LRRC49: variants seen among roughly 807,000 people sequenced by gnomAD.
LRRC49 encodes leucine-rich repeat-containing protein 49.
In LRRC49, 50 loss-of-function variants were observed where a neutral mutation model predicts 83.3. The observed-to-expected ratio is 0.60, with a 90% CI of 0.48 to 0.76. The LOEUF is 0.76. Ranked by LOEUF, LRRC49 falls within the 30% of genes least tolerant of loss-of-function variation. The pLI is 0.00. For synonymous variants in LRRC49, 286 were observed against 283.3 expected, an observed-to-expected ratio of 1.01 and a Z score of -0.10; for missense variants, 704 against 809.1, an observed-to-expected ratio of 0.87 and a Z score of 1.58.
chr15:71,015,822 T>C (rs1231639448), intron 14 of LRRC49, among the ~76,000 whole-genome samples: 1 of 152,220 alleles, frequency 6.6e-6, no homozygotes, highest in Non-Finnish European at 1.5e-5. Context: ...TTTCTTTACA[T>C]GAGCACAAAT....
intron 15 of LRRC49, among the ~76,000 whole-genome samples, chr15:71,039,348 A>C (rs1354589368): frequency 6.6e-6 from 1 of 152,188 alleles, no homozygotes; most frequent in African/African-American, 2.4e-5. Context: ...ATGAAAGCCA[A>C]GGTGGCAGGA....
intron 11 of LRRC49, among the ~76,000 whole-genome samples, chr15:71,006,344 GA>G (rs2038456789): frequency 6.6e-6 from 1 of 152,116 alleles, no homozygotes; most frequent in Non-Finnish European, 1.5e-5. Context: ...TTAAATATAT[GA>G]TGTGGAGCAA....
chr15:70,892,659 G>C, upstream of LRRC49: 2 of 1,447,404 alleles, frequency 1.4e-6, no homozygotes, highest in Non-Finnish European at 1.8e-6. Flanking sequence ...GTTTTTATGA[G>C]GCTGGGAAAA....
rs200144297 is a variant in LRRC49, at chr15:70,895,878, G to A, written c.135G>A (p.Ser45=). ...KVEFKLNKDT[S]SFPGRLLQHD... ...AATTCAAGCTAAATAAAGACACATC[G>A]TCATTCCCCGGTAGACTTTTACAAC... Residue 45 remains serine (S), a synonymous_variant, in exon 3 of 16, where the codon TCG becomes TCA. Coordinates refer to ENST00000260382, the MANE Select transcript of LRRC49 (RefSeq NM_017691.5). The A allele has an allele frequency of 9.9e-6, 16 of 1,610,398 alleles. No homozygotes were observed. The East Asian group carries it at 2.9e-4, about 29-fold the overall frequency.
At chr15:71,024,698 C>A (rs1056382276) in intron 14 of LRRC49, among the ~76,000 whole-genome samples, 68 of 151,952 alleles carry the variant, frequency 4.5e-4, no homozygotes, top group African/African-American at 1.6e-3. Flanking sequence ...AGCTAGAATG[C>A]CTCTCCTCCT....
intron 2 of LRRC49, among the ~76,000 whole-genome samples, chr15:70,875,199 C>A (rs2033127236): frequency 6.6e-6 from 1 of 152,180 alleles, no homozygotes; most frequent in Non-Finnish European, 1.5e-5. Context: ...TTCGGCTGCC[C>A]AGCAGTTCTT....
chr15:70,896,027 C>A, intron 3 of LRRC49, 91 bp downstream of exon 3: 2 of 751,070 alleles, frequency 2.7e-6, no homozygotes, highest in South Asian at 2.2e-5. Context: ...TCCAAATAAA[C>A]TTGAATTTAA....
chr15:70,941,597 A>G (rs906826569), intron 8 of LRRC49, among the ~76,000 whole-genome samples: 1 of 152,072 alleles, frequency 6.6e-6, no homozygotes, highest in Non-Finnish European at 1.5e-5. Context: ...TTCCTTTTGC[A>G]TTACCTTTGA....
intron 1 of LRRC49, chr15:70,859,521 T>C (rs762540237): frequency 5.3e-5 from 36 of 679,868 alleles, no homozygotes; most frequent in Non-Finnish European, 6.9e-5. Context: ...TAGGAGGAGA[T>C]TGCCAACCGC....
At chr15:71,046,705 T>G (rs574488031) in intron 15 of LRRC49, among the ~76,000 whole-genome samples, 2 of 152,370 alleles carry the variant, frequency 1.3e-5, no homozygotes, top group South Asian at 4.1e-4. Flanking sequence ...TTAGTTTAAT[T>G]AAGTCCCATT....
intron 8 of LRRC49, among the ~76,000 whole-genome samples, chr15:70,943,313 A>G (rs894193305): frequency 6.6e-6 from 1 of 152,124 alleles, no homozygotes; most frequent in Non-Finnish European, 1.5e-5. Context: ...AAAGAATTTG[A>G]CTGAGGGGCA....
chr15:70,854,021 T>G, intron 1 of LRRC49: 2 of 1,455,394 alleles, frequency 1.4e-6, no homozygotes, highest in Non-Finnish European at 9.1e-7. Context: ...CTCGGCCTCC[T>G]GGATGGCGAC....
chr15:70,875,831 A>G (rs1173085027), intron 2 of LRRC49, among the ~76,000 whole-genome samples: 2 of 152,220 alleles, frequency 1.3e-5, no homozygotes, highest in Non-Finnish European at 2.9e-5. Context: ...TGAAAGAAGC[A>G]TCCAGGCTGT....
intron 8 of LRRC49, among the ~76,000 whole-genome samples, chr15:70,959,049 T>A (rs1259592548): frequency 1.3e-5 from 2 of 152,168 alleles, no homozygotes; most frequent in Non-Finnish European, 2.9e-5. Flanking sequence ...ATAAAGTATT[T>A]ATAGTACTAT....
At chr15:70,950,774 C>G (rs1304860529) in intron 8 of LRRC49, among the ~76,000 whole-genome samples, 1 of 152,042 alleles carries the variant, frequency 6.6e-6, no homozygotes, top group Admixed American at 6.6e-5. Flanking sequence ...TTAGGTCCTA[C>G]TTGTCAATTT....
chr15:70,984,203 A>C lies in LRRC49; in HGVS notation c.1115A>C (p.Gln372Pro), dbSNP rs767377683. The part of the protein sequence containing the change: ...NEDRKDSDSP[Q>P]DPCQIDGSTL... ...GATAGAAAAGATTCTGACTCTCCTC[A>C]GGACCCCTGTCAGATTGATGGAAGC... Residue 372 changes from glutamine to proline, a missense_variant, in exon 11 of 16, where the codon CAG becomes CCG. Physicochemically the swap from Gln to Pro is moderately conservative, Grantham distance 76. This residue lies in a region of LRRC49 where 168 missense variants were observed against 140.6 expected (regional missense o/e 1.20). Transcript: ENST00000260382. 2.5e-6 allele frequency: 4 copies of C among 1,613,280 alleles called. No individual in the cohort carries two copies. In the Admixed American group the frequency reaches 6.7e-5, roughly 27 times the overall value.
intron 14 of LRRC49, among the ~76,000 whole-genome samples, chr15:71,025,623 T>C (rs917944048): frequency 4.0e-5 from 6 of 151,806 alleles, no homozygotes; most frequent in Non-Finnish European, 8.8e-5. Context: ...ACCCATCTCA[T>C]GTGCAAAGAC....
chr15:70,994,972 G>T (rs893329278), intron 11 of LRRC49, among the ~76,000 whole-genome samples: 1 of 152,228 alleles, frequency 6.6e-6, no homozygotes, highest in African/African-American at 2.4e-5. Flanking sequence ...GGAAAATTCT[G>T]AGGAACTAAA....
intron 14 of LRRC49, among the ~76,000 whole-genome samples, chr15:71,023,016 A>G (rs982688784): frequency 1.3e-5 from 2 of 152,244 alleles, no homozygotes; most frequent in South Asian, 4.1e-4. Context: ...GGAAATTCCC[A>G]TATATTTGAA....
Sources: allele counts gnomAD v4.1 joint callset (sites outside exome capture counted in the v4.1 genomes callset), GRCh38; gene constraint gnomAD v4.1.1; regional missense constraint gnomAD v4.1.1; transcripts MANE v1.5; gene names NCBI Gene and HGNC (gene_info 2026-07-23, HGNC 2026-07-21).